Variants in KCNQ5 observed in about 807,000 individuals in gnomAD.
The protein encoded by KCNQ5 is potassium voltage-gated channel subfamily Q member 5.
A neutral mutation model predicts 98.2 loss-of-function variants in KCNQ5; 30 were observed. The ratio of observed to expected loss-of-function variants is 0.31; its 90% CI spans 0.23 to 0.41. The LOEUF (loss-of-function observed/expected upper bound fraction) is 0.41. Among genes scored for constraint, KCNQ5 ranks in the 10% least tolerant of loss-of-function variants. The pLI, the probability that KCNQ5 is intolerant of heterozygous loss-of-function variation, is 1.00. For synonymous variants in KCNQ5, 458 were observed against 449.4 expected, an observed-to-expected ratio of 1.02 and a Z score of -0.24; for missense variants, 835 against 1,182.5, an observed-to-expected ratio of 0.71 and a Z score of 4.31.
chr6:73,176,074 C>T, intron 11 of KCNQ5, among the ~76,000 whole-genome samples: 1 of 152,076 alleles, frequency 6.6e-6, no homozygotes, highest in Non-Finnish European at 1.5e-5. Context: ...GAGCAGGAAC[C>T]ATAAGAATGA....
intron 1 of KCNQ5, among the ~76,000 whole-genome samples, chr6:72,933,328 T>A (rs1013764794): frequency 6.6e-6 from 1 of 152,240 alleles, no homozygotes; most frequent in Non-Finnish European, 1.5e-5. Flanking sequence ...TTTATCTCTC[T>A]GCATCTGATT....
intron 3 of KCNQ5, among the ~76,000 whole-genome samples, chr6:73,044,245 A>G (rs976965392): frequency 6.6e-6 from 1 of 152,128 alleles, no homozygotes; most frequent in African/African-American, 2.4e-5. Context: ...CTGCCACTAC[A>G]CTCCAGCCTG....
chr6:73,071,234 A>C (rs1405374907), intron 3 of KCNQ5, among the ~76,000 whole-genome samples: 1 of 152,184 alleles, frequency 6.6e-6, no homozygotes, highest in African/African-American at 2.4e-5. Flanking sequence ...ATTAGCAAGG[A>C]GAGAGAAATA....
chr6:72,837,431 G>T (rs1562015261), intron 1 of KCNQ5, among the ~76,000 whole-genome samples: 2 of 151,906 alleles, frequency 1.3e-5, no homozygotes, highest in Non-Finnish European at 1.5e-5. Flanking sequence ...GCTCTTCATT[G>T]TCTAGTACCT....
rs764597630 is a variant in KCNQ5, at chr6:72,622,291, C to T, written c.102C>T (p.Ser34=). The T allele has an allele frequency of 1.2e-5, 15 of 1,296,892 alleles. No individual in the cohort carries two copies. In the East Asian group the frequency reaches 3.3e-4, roughly 29 times the overall value. 80.3% of individuals were successfully genotyped at this position (1,296,892 alleles called of 1,614,324 possible). ...AAAAGGGRLG[S]GMKDVESGRG... ...CGGCGGGCGGGGGGCGCTTGGGCAG[C>T]GGCATGAAGGATGTGGAGTCCGGCC... is the stretch of plus-strand genomic sequence containing the variant. The change falls in exon 1 of 14, where the codon AGC becomes AGT. Residue 34 remains serine (S), a synonymous_variant. Coordinates refer to ENST00000370398, the MANE Select transcript of KCNQ5 (RefSeq NM_019842.4). The surrounding 1 kb of genome is among the most constrained non-coding windows in gnomAD (Gnocchi z 6.0).
At chr6:72,698,307 G>A (rs943807505) in intron 1 of KCNQ5, among the ~76,000 whole-genome samples, 1 of 151,970 alleles carries the variant, frequency 6.6e-6, no homozygotes. Flanking sequence ...AGGCTCAAGC[G>A]ACTCTCCTGC....
chr6:73,017,924 G>C (rs1657521003), intron 2 of KCNQ5, among the ~76,000 whole-genome samples: 1 of 152,024 alleles, frequency 6.6e-6, no homozygotes, highest in Non-Finnish European at 1.5e-5. Flanking sequence ...AGTAAAAGAG[G>C]ACCACCCCTA....
intron 1 of KCNQ5, among the ~76,000 whole-genome samples, chr6:72,928,078 A>G (rs1765519356): frequency 6.6e-6 from 1 of 152,104 alleles, no homozygotes; most frequent in Admixed American, 6.6e-5. Context: ...TTAAGCAACA[A>G]AAGTGTTGTC....
At chr6:72,736,502 C>CCTTTTTTTTT (rs1770841732) in intron 1 of KCNQ5, among the ~76,000 whole-genome samples, 1 of 121,060 alleles carries the variant, frequency 8.3e-6, no homozygotes, top group Non-Finnish European at 1.6e-5. Flanking sequence ...AAAAAGATTT[C>CCTTTTTTTTT]TTTTTTTTTT....
chr6:72,994,145 C>T (rs1223901137), intron 1 of KCNQ5, among the ~76,000 whole-genome samples: 111 of 59,312 alleles, frequency 1.9e-3, no homozygotes, highest in Non-Finnish European at 2.6e-3. Flanking sequence ...GAGGTGGAGC[C>T]TACAGAGGCA....
At chr6:73,055,549 G>A (rs546973369) in intron 3 of KCNQ5, 2 of 1,449,974 alleles carry the variant, frequency 1.4e-6, no homozygotes, top group African/African-American at 1.4e-5. Flanking sequence ...CCTCCTGTGA[G>A]AGTCTGAAGG....
At chr6:73,158,779 T>C (rs1777492660) in intron 10 of KCNQ5, among the ~76,000 whole-genome samples, 1 of 152,202 alleles carries the variant, frequency 6.6e-6, no homozygotes, top group African/African-American at 2.4e-5. Context: ...TTGTACATAG[T>C]TATAATCAAC....
At position 73,195,647 on chromosome 6, in the gene KCNQ5, A is replaced by T. The variant is rs974852139; in HGVS notation, c.*233A>T. 1 of 522,034 alleles carries T rather than the reference A, an allele frequency of 1.9e-6. No individual in the cohort carries two copies. The highest frequency in any genetic ancestry group is 3.4e-6 in the Non-Finnish European group (1 of 293,956). 32.3% of individuals were successfully genotyped at this position (522,034 alleles called of 1,614,324 possible). The stretch of plus-strand genomic sequence containing the variant: ...TTTAGTAATGTACCTTGAGTTAAAA[A>T]GCCTGAGAAACCAAACACAGCTAAT... On this transcript the variant is annotated 3_prime_UTR_variant, in exon 14 of 14. Coordinates refer to ENST00000370398, the MANE Select transcript of KCNQ5 (RefSeq NM_019842.4).
chr6:72,787,004 CAAA>C (rs1045803750), intron 1 of KCNQ5, among the ~76,000 whole-genome samples: 4 of 50,430 alleles, frequency 7.9e-5, no homozygotes, highest in African/African-American at 1.1e-4. Flanking sequence ...GACTCTGTCT[CAAA>C]AAAAAAAAAA....
intron 1 of KCNQ5, among the ~76,000 whole-genome samples, chr6:72,894,165 A>AACTCAT (rs1485110292): frequency 3.2e-4 from 48 of 152,268 alleles, no homozygotes; most frequent in African/African-American, 1.1e-3. Flanking sequence ...TATCATCTCT[A>AACTCAT]TTGACTCAAA....
intron 1 of KCNQ5, among the ~76,000 whole-genome samples, chr6:72,635,119 C>T (rs971652932): frequency 6.6e-6 from 1 of 151,698 alleles, no homozygotes; most frequent in African/African-American, 2.4e-5. Flanking sequence ...CTCCATCACC[C>T]ACACTCAAGC....
intron 1 of KCNQ5, among the ~76,000 whole-genome samples, chr6:72,801,761 G>C (rs899831112): frequency 3.9e-5 from 6 of 152,082 alleles, no homozygotes; most frequent in Non-Finnish European, 7.3e-5. Flanking sequence ...GCAGTGGCTG[G>C]TACCGGTTGT....
chr6:72,934,664 C>T (rs1765826159), intron 1 of KCNQ5, among the ~76,000 whole-genome samples: 1 of 152,148 alleles, frequency 6.6e-6, no homozygotes. Flanking sequence ...TTAAGTGTTT[C>T]CTAAATTATA....
chr6:72,658,578 A>ATATATATTTTTT (rs1226386362), intron 1 of KCNQ5, among the ~76,000 whole-genome samples: 13 of 76,370 alleles, frequency 1.7e-4, no homozygotes, highest in South Asian at 9.1e-4. Flanking sequence ...ATATATATAT[A>ATATATATTTTTT]TTTTTTTTTT....
Sources: gnomAD v4.1 joint callset for allele counts (sites outside exome capture counted in the v4.1 genomes callset) on GRCh38, gnomAD v4.1.1 for gene constraint, Gnocchi (gnomAD v3.1) non-coding constraint, MANE v1.5 for transcripts, NCBI Gene and HGNC (gene_info 2026-07-23, HGNC 2026-07-21) for gene names.